Variants in NXPE2 observed in about 807,000 individuals in gnomAD.
NXPE2 encodes neurexophilin and PC-esterase domain family member 2.
Under a neutral mutation model 34.4 loss-of-function variants are expected in NXPE2, and 34 were observed. That is an observed-to-expected ratio of 0.99 (90% CI 0.75 to 1.31). The LOEUF (loss-of-function observed/expected upper bound fraction) is 1.31. Among genes scored for constraint, NXPE2 ranks in the 40% most tolerant of loss-of-function variants. The pLI, the probability that NXPE2 is intolerant of heterozygous loss-of-function variation, is 0.00. For synonymous variants in NXPE2, 235 were observed against 231.3 expected (o/e 1.02, Z -0.15); for missense variants, 649 against 672.5 (o/e 0.97, Z 0.39).
chr11:114,684,567 C>A (rs1328091864), intron 2 of NXPE2, among the ~76,000 whole-genome samples: 2 of 151,878 alleles, frequency 1.3e-5, no homozygotes, highest in Non-Finnish European at 1.5e-5. Context: ...TCCTGAGGAA[C>A]AAAATAAGCA....
the NXPE2 span, among the ~76,000 whole-genome samples, chr11:114,742,428 G>A: frequency 6.6e-6 from 1 of 152,122 alleles, no homozygotes; most frequent in Non-Finnish European, 1.5e-5. Flanking sequence ...TGGGTGAAAT[G>A]AGAAAGAAGT....
the NXPE2 span, chr11:114,580,479 C>T: frequency 3.7e-5 from 24 of 652,046 alleles, no homozygotes; most frequent in East Asian, 5.4e-4. Context: ...GAAGTATTCT[C>T]TTAATGGAAC....
chr11:114,565,083 C>T, the NXPE2 span, among the ~76,000 whole-genome samples: 1 of 152,178 alleles, frequency 6.6e-6, no homozygotes, highest in South Asian at 2.1e-4. Flanking sequence ...CAGCGAATAA[C>T]AGATGTCAGG....
chr11:114,788,957 A>G, the NXPE2 span, among the ~76,000 whole-genome samples: 1 of 152,224 alleles, frequency 6.6e-6, no homozygotes, highest in Non-Finnish European at 1.5e-5. Context: ...ATCATGCCAA[A>G]TAGACAGAGC....
At chr11:114,535,253 G>C in the NXPE2 span, among the ~76,000 whole-genome samples, 1 of 152,142 alleles carries the variant, frequency 6.6e-6, no homozygotes, top group Non-Finnish European at 1.5e-5. Flanking sequence ...TCACCACCAG[G>C]CCTGCCCTAA....
At chr11:114,567,485 G>A in the NXPE2 span, among the ~76,000 whole-genome samples, 1 of 152,094 alleles carries the variant, frequency 6.6e-6, no homozygotes, top group African/African-American at 2.4e-5. Flanking sequence ...CGGCAGCCTT[G>A]GGGAGGGACC....
chr11:114,772,253 G>A, the NXPE2 span, among the ~76,000 whole-genome samples: 1 of 152,222 alleles, frequency 6.6e-6, no homozygotes, highest in Admixed American at 6.5e-5. Flanking sequence ...GGAGAAAAAG[G>A]GAGTTAACCA....
the NXPE2 span, among the ~76,000 whole-genome samples, chr11:114,613,028 T>G: frequency 5.9e-5 from 9 of 151,946 alleles, no homozygotes; most frequent in South Asian, 2.1e-4. Flanking sequence ...GGGTAACCAC[T>G]GTTACCTGGT....
chr11:114,484,513 C>T, the NXPE2 span, among the ~76,000 whole-genome samples: 44 of 152,106 alleles, frequency 2.9e-4, no homozygotes, highest in Non-Finnish European at 5.6e-4. Context: ...TTGTCTACTC[C>T]GTGGCTTTTT....
At chr11:114,530,304 T>G in the NXPE2 span, 1 of 1,614,214 alleles carries the variant, frequency 6.2e-7, no homozygotes, top group Non-Finnish European at 8.5e-7. Context: ...GTCTCTGTCA[T>G]CCAGATATTC....
At chr11:114,739,226 C>T in the NXPE2 span, among the ~76,000 whole-genome samples, 2 of 152,202 alleles carry the variant, frequency 1.3e-5, no homozygotes, top group African/African-American at 4.8e-5. Context: ...TTAGCTTGTG[C>T]TGAGCAGTTC....
At chr11:114,724,789 T>G in the NXPE2 span, among the ~76,000 whole-genome samples, 1 of 151,864 alleles carries the variant, frequency 6.6e-6, no homozygotes, top group Non-Finnish European at 1.5e-5. Flanking sequence ...TCTGCTTTGG[T>G]TGACAAGCAA....
the NXPE2 span, among the ~76,000 whole-genome samples, chr11:114,749,932 C>A: frequency 6.6e-6 from 1 of 152,152 alleles, no homozygotes; most frequent in South Asian, 2.1e-4. Flanking sequence ...GATACCCATG[C>A]CTGGCCACCC....
chr11:114,683,797 G>A (rs1950991507), intron 2 of NXPE2, among the ~76,000 whole-genome samples: 2 of 152,210 alleles, frequency 1.3e-5, no homozygotes. Flanking sequence ...AGACTGTTCA[G>A]TGATCTGGGT....
At chr11:114,586,826 A>G in the NXPE2 span, among the ~76,000 whole-genome samples, 1 of 152,088 alleles carries the variant, frequency 6.6e-6, no homozygotes, top group African/African-American at 2.4e-5. Flanking sequence ...TCTGTATGCA[A>G]TGCTTTAAAA....
At chr11:114,807,200 A>T in the NXPE2 span, among the ~76,000 whole-genome samples, 5 of 150,344 alleles carry the variant, frequency 3.3e-5, no homozygotes, top group African/African-American at 9.8e-5. Context: ...AGCACTAAAC[A>T]TGGAAAGGAA....
chr11:114,665,300 T>C, the NXPE2 span, among the ~76,000 whole-genome samples: 382 of 152,284 alleles, frequency 2.5e-3, 2 homozygotes, highest in Non-Finnish European at 4.3e-3. Flanking sequence ...TCCCCCACAA[T>C]CTCTCTAATT....
At chr11:114,515,772 G>GATT in the NXPE2 span, among the ~76,000 whole-genome samples, 11 of 98,986 alleles carry the variant, frequency 1.1e-4, 3 homozygotes, top group African/African-American at 5.7e-4. Flanking sequence ...TCTTTCTGAA[G>GATT]TAGAGCAATT....
At chr11:114,533,042 A>G in the NXPE2 span, among the ~76,000 whole-genome samples, 1 of 152,242 alleles carries the variant, frequency 6.6e-6, no homozygotes, top group Non-Finnish European at 1.5e-5. Context: ...GTTAGCCACA[A>G]TTAACTGAAT....
Sources: allele counts gnomAD v4.1 joint callset (sites outside exome capture counted in the v4.1 genomes callset), GRCh38; gene constraint gnomAD v4.1.1; transcripts MANE v1.5; gene names NCBI Gene and HGNC (gene_info 2026-07-23, HGNC 2026-07-21).